The following SMYD3 variants were observed in gnomAD, a reference collection of about 807,000 sequenced individuals.
The protein encoded by SMYD3 is SET and MYND domain containing 3, also known as histone-lysine N-methyltransferase SMYD3.
In SMYD3, 36 loss-of-function variants were observed where a neutral mutation model predicts 57.7. That is an observed-to-expected ratio of 0.62 (90% CI 0.48 to 0.82). The LOEUF is 0.82. Among genes scored for constraint, SMYD3 ranks in the 40% least tolerant of loss-of-function variants. The pLI, the probability that SMYD3 is intolerant of heterozygous loss-of-function variation, is 0.00. For missense variants in SMYD3, 515 were observed against 538.8 expected (o/e 0.96, Z 0.44); for synonymous variants, 211 against 195.0 (o/e 1.08, Z -0.68).
At chr1:245,910,125 A>T (rs774863920) in intron 8 of SMYD3, among the ~76,000 whole-genome samples, 9 of 152,206 alleles carry the variant, frequency 5.9e-5, no homozygotes, top group Non-Finnish European at 1.2e-4. Flanking sequence ...TACAAAATCA[A>T]CATACAAAAA....
At chr1:246,186,003 G>A (rs1422706276) in intron 5 of SMYD3, among the ~76,000 whole-genome samples, 1 of 152,060 alleles carries the variant, frequency 6.6e-6, no homozygotes, top group Non-Finnish European at 1.5e-5. Flanking sequence ...ACAGACTAGA[G>A]GTTTGTCTCG....
chr1:246,063,887 G>T (rs536409852), intron 5 of SMYD3, among the ~76,000 whole-genome samples: 1 of 152,080 alleles, frequency 6.6e-6, no homozygotes, highest in Non-Finnish European at 1.5e-5. Flanking sequence ...TGATCCACCC[G>T]CTTCAACCTC....
chr1:246,336,568 GA>G (rs2065547756), intron 2 of SMYD3, among the ~76,000 whole-genome samples: 1 of 152,076 alleles, frequency 6.6e-6, no homozygotes, highest in African/African-American at 2.4e-5. Context: ...TGCAAAACCA[GA>G]AACAGAACAT....
In SMYD3 at chr1:245,915,625, G is replaced by A; in HGVS notation, c.718C>T (p.Leu240=). The A allele has an allele frequency of 6.2e-7, 1 of 1,612,984 alleles. No individual in the cohort carries two copies. The highest frequency in any genetic ancestry group is 8.5e-7 in the Non-Finnish European group (1 of 1,179,034). The change falls in exon 8 of 12, where the codon CTG becomes TTG. Residue 240 remains leucine (L), a synonymous_variant. Coordinates refer to ENST00000490107, the MANE Select transcript of SMYD3 (RefSeq NM_001167740.2). ...EVGEELTICY[L]DMLMTSEERR... is the part of the protein sequence containing the mutation. Reference sequence around the variant, plus strand: ...TCCTCACTGGTCATCAGCATATCCAGGTAGCAGATGGTGAGCTGTGCAGGC... The same window carrying A: ...TCCTCACTGGTCATCAGCATATCCAAGTAGCAGATGGTGAGCTGTGCAGGC...
At chr1:245,929,993 G>C in intron 5 of SMYD3, 56 bp from the exon 6 acceptor site, 1 of 1,488,854 alleles carries the variant, frequency 6.7e-7, no homozygotes, top group Non-Finnish European at 9.4e-7. Flanking sequence ...AAACTTCATA[G>C]CCAAGAGAAT....
chr1:246,159,801 G>A (rs915139047), intron 5 of SMYD3, among the ~76,000 whole-genome samples: 3 of 152,014 alleles, frequency 2.0e-5, no homozygotes, highest in African/African-American at 7.2e-5. Context: ...CTGAGGGCTC[G>A]CCAGGTCCTG....
chr1:245,912,431 C>G (rs909976846), intron 8 of SMYD3, among the ~76,000 whole-genome samples: 1 of 152,094 alleles, frequency 6.6e-6, no homozygotes, highest in African/African-American at 2.4e-5. Flanking sequence ...ATGATACTAT[C>G]CAAAGCAATC....
chr1:245,982,146 A>T (rs1360237501), intron 5 of SMYD3, among the ~76,000 whole-genome samples: 2 of 149,864 alleles, frequency 1.3e-5, no homozygotes, highest in Non-Finnish European at 1.5e-5. Context: ...TCACATTTCG[A>T]GTTTTTGAGA....
At chr1:246,395,726 A>ACT (rs398069704) in intron 1 of SMYD3, among the ~76,000 whole-genome samples, 5 of 95,538 alleles carry the variant, frequency 5.2e-5, no homozygotes, top group East Asian at 7.9e-4. Flanking sequence ...CGAACACACC[A>ACT]GTCAGACAGG....
chr1:245,879,550 G>T (rs1298107252), intron 8 of SMYD3, among the ~76,000 whole-genome samples: 2 of 152,218 alleles, frequency 1.3e-5, no homozygotes, highest in Non-Finnish European at 2.9e-5. Flanking sequence ...GAAACATCAA[G>T]AGATCACAGA....
intron 5 of SMYD3, among the ~76,000 whole-genome samples, chr1:246,093,618 G>A (rs2060859588): frequency 6.6e-6 from 1 of 152,004 alleles, no homozygotes; most frequent in Admixed American, 6.6e-5. Context: ...ACAGTAGTGG[G>A]GGATGAAGAG....
chr1:246,444,233 T>TC (rs1278466706), intron 1 of SMYD3, among the ~76,000 whole-genome samples: 1 of 151,928 alleles, frequency 6.6e-6, no homozygotes, highest in East Asian at 1.9e-4. Flanking sequence ...TTCAAGCAAT[T>TC]TTCTGCCTCA....
intron 5 of SMYD3, among the ~76,000 whole-genome samples, chr1:245,941,894 G>A (rs1227730430): frequency 6.6e-6 from 1 of 152,136 alleles, no homozygotes. Flanking sequence ...TATAAGTGAA[G>A]GAGAAATAAA....
At chr1:246,433,076 G>C (rs1032775814) in intron 1 of SMYD3, among the ~76,000 whole-genome samples, 3 of 152,092 alleles carry the variant, frequency 2.0e-5, no homozygotes, top group Non-Finnish European at 4.4e-5. Context: ...AAACCCTAAA[G>C]ACTCTGCCAA....
At chr1:246,093,896 C>T (rs1174560302) in intron 5 of SMYD3, among the ~76,000 whole-genome samples, 1 of 151,980 alleles carries the variant, frequency 6.6e-6, no homozygotes, top group African/African-American at 2.4e-5. Context: ...TTCTTACCCG[C>T]CAAATACTTT....
chr1:246,078,331 C>T (rs1428768029), intron 5 of SMYD3, among the ~76,000 whole-genome samples: 1 of 152,092 alleles, frequency 6.6e-6, no homozygotes, highest in Non-Finnish European at 1.5e-5. Context: ...CTGAAACCAA[C>T]TTGTTTAACC....
rs200128401 is a variant in SMYD3 at position 246,348,073 on chromosome 1, T to C, written c.228+6958A>G. Among the ~76,000 whole-genome samples, 12 of 115,578 alleles carry C rather than the reference T, an allele frequency of 1.0e-4. 1 individual carries two copies. The highest frequency in any genetic ancestry group is 3.7e-4 in the African/African-American group (11 of 29,920). 75.8% of individuals were successfully genotyped at this position (115,578 alleles called of 152,430 possible). The stretch of plus-strand genomic sequence containing the variant: ...ATAAAGAAAACGTTATATATATATA[T>C]ATATACACACACACCATCAAATACT... On this transcript the variant is annotated intron_variant, in intron 2 of 11. Coordinates refer to ENST00000490107, the MANE Select transcript of SMYD3 (RefSeq NM_001167740.2).
chr1:246,452,148 ATACT>A (rs1485313646), intron 1 of SMYD3, among the ~76,000 whole-genome samples: 2 of 152,238 alleles, frequency 1.3e-5, no homozygotes, highest in Non-Finnish European at 2.9e-5. Flanking sequence ...AAACTGTCAA[ATACT>A]TACAGCATCA....
At chr1:245,770,091 T>G (rs971704800) in intron 10 of SMYD3, among the ~76,000 whole-genome samples, 2 of 152,238 alleles carry the variant, frequency 1.3e-5, no homozygotes, top group African/African-American at 4.8e-5. Context: ...GCAGCTTATC[T>G]GCTGCTGAAA....
Sources: allele counts gnomAD v4.1 joint callset (sites outside exome capture counted in the v4.1 genomes callset), GRCh38; gene constraint gnomAD v4.1.1; transcripts MANE v1.5; gene names NCBI Gene and HGNC (gene_info 2026-07-23, HGNC 2026-07-21).